The following RNF130 variants were observed in gnomAD, a reference collection of about 807,000 sequenced individuals.
The protein encoded by RNF130 is ring finger protein 130, also known as E3 ubiquitin-protein ligase RNF130.
A neutral mutation model predicts 44.6 loss-of-function variants in RNF130; 21 were observed. That is an observed-to-expected ratio of 0.47 (90% CI 0.33 to 0.68). The LOEUF is 0.68. RNF130 is among the 30% of genes least tolerant of loss of function. The probability of loss-of-function intolerance (pLI) is 0.02; values close to 1 mark genes in which losing one functional copy is unlikely to be tolerated. For missense variants in RNF130, 479 were observed against 560.6 expected, an observed-to-expected ratio of 0.85 and a Z score of 1.47; for synonymous variants, 214 against 210.4, an observed-to-expected ratio of 1.02 and a Z score of -0.15.
At chr5:180,061,318 G>A (rs1385208402) in intron 1 of RNF130, among the ~76,000 whole-genome samples, 1 of 152,196 alleles carries the variant, frequency 6.6e-6, no homozygotes. Context: ...CCAGAAGGAT[G>A]AAGAAAGTAT....
chr5:179,930,947 C>G (rs1305855209), intron 7 of RNF130, among the ~76,000 whole-genome samples: 2 of 146,552 alleles, frequency 1.4e-5, no homozygotes, highest in Non-Finnish European at 3.0e-5. Context: ...GAGGCTGAGG[C>G]ATGAGAACCC....
chr5:179,980,310 CAT>C, intron 3 of RNF130, 110 bp from the exon 4 acceptor site: 1 of 890,424 alleles, frequency 1.1e-6, no homozygotes. Flanking sequence ...CATCCCTCTC[CAT>C]GTCCTACATA....
At chr5:179,991,051 T>C (rs985758490) in intron 3 of RNF130, among the ~76,000 whole-genome samples, 2 of 152,238 alleles carry the variant, frequency 1.3e-5, no homozygotes, top group African/African-American at 4.8e-5. Context: ...CGTTTTCTCC[T>C]TCACTTACGA....
At chr5:179,982,878 G>A (rs863904) in intron 3 of RNF130, among the ~76,000 whole-genome samples, 1 of 152,136 alleles carries the variant, frequency 6.6e-6, no homozygotes, top group East Asian at 1.9e-4. Flanking sequence ...GCCACGGCAC[G>A]CAGCCTCCTT....
downstream of RNF130, among the ~76,000 whole-genome samples, chr5:179,952,921 G>A (rs978720992): frequency 2.0e-5 from 3 of 152,030 alleles, no homozygotes; most frequent in Admixed American, 6.5e-5. Context: ...TTTTCCCTAC[G>A]AGATCACAAC....
chr5:180,040,401 G>T, intron 2 of RNF130, 52 bp downstream of exon 2: 1 of 1,529,690 alleles, frequency 6.5e-7, no homozygotes, highest in South Asian at 1.2e-5. Context: ...TACCTATAAA[G>T]CAATGATTTC....
In RNF130 at chr5:179,924,693, G is replaced by C. The variant is rs1761681990; in HGVS notation, c.1151-4267C>G. Among the ~76,000 whole-genome samples, 4 of 152,132 alleles carry C rather than the reference G, an allele frequency of 2.6e-5. No homozygotes were observed. The South Asian group carries it at 8.3e-4, about 31-fold the overall frequency. On this transcript the variant is annotated intron_variant, in intron 7 of 7. Transcript: ENST00000522208. The stretch of plus-strand genomic sequence containing the variant: ...AATCCCAGCTACACAGGAGGCTAAG[G>C]CAGGAGAATTGCTTAAACCTGGGAG...
chr5:180,045,513 A>C (rs1229875775), intron 1 of RNF130, among the ~76,000 whole-genome samples: 1 of 152,234 alleles, frequency 6.6e-6, no homozygotes, highest in East Asian at 1.9e-4. Flanking sequence ...AAGCTCCCAC[A>C]GCGCGGAAGT....
At chr5:180,040,844 G>A (rs957498823) in intron 1 of RNF130, among the ~76,000 whole-genome samples, 197 bp from the exon 2 acceptor site, 1 of 152,070 alleles carries the variant, frequency 6.6e-6, no homozygotes, top group African/African-American at 2.4e-5. Flanking sequence ...TCCATGGGAC[G>A]GTTACCTATA....
At chr5:179,972,382 T>C (rs2113709308) in intron 5 of RNF130, among the ~76,000 whole-genome samples, 1 of 152,160 alleles carries the variant, frequency 6.6e-6, no homozygotes, top group South Asian at 2.1e-4. Context: ...AGCGCTAGGG[T>C]GGGGTGGCCG....
intron 2 of RNF130, among the ~76,000 whole-genome samples, chr5:180,028,594 C>T (rs958881304): frequency 8.5e-5 from 13 of 152,162 alleles, no homozygotes; most frequent in African/African-American, 2.9e-4. Flanking sequence ...TACAGCTGAT[C>T]CCGCTACGTA....
At chr5:179,948,349 T>C (rs1246271278) in intron 7 of RNF130, among the ~76,000 whole-genome samples, 3 of 152,184 alleles carry the variant, frequency 2.0e-5, no homozygotes, top group Non-Finnish European at 4.4e-5. Flanking sequence ...TGGTCTCTGT[T>C]TCACCGGGAC....
At chr5:179,994,342 G>A (rs1763156138) in intron 3 of RNF130, among the ~76,000 whole-genome samples, 1 of 152,160 alleles carries the variant, frequency 6.6e-6, no homozygotes, top group Non-Finnish European at 1.5e-5. Flanking sequence ...TCCTATCCAT[G>A]AGCATGGAAT....
At chr5:180,053,825 CTTT>C (rs56130424) in intron 1 of RNF130, among the ~76,000 whole-genome samples, 18 of 133,142 alleles carry the variant, frequency 1.4e-4, no homozygotes, top group Non-Finnish European at 1.7e-4. Flanking sequence ...CAAATACATT[CTTT>C]TTTTTTTTTT....
At chr5:179,995,014 C>G (rs964909466) in intron 3 of RNF130, among the ~76,000 whole-genome samples, 2 of 152,078 alleles carry the variant, frequency 1.3e-5, no homozygotes, top group Non-Finnish European at 2.9e-5. Context: ...CTGGACTGGG[C>G]AAGACAGCCA....
chr5:179,920,513 T>A, intron 7 of RNF130: 1 of 652,936 alleles, frequency 1.5e-6, no homozygotes, highest in Non-Finnish European at 2.8e-6. Context: ...CAGATTATCT[T>A]TGAAGCATGA....
At chr5:179,979,133 A>C (rs1272690408) in intron 4 of RNF130, among the ~76,000 whole-genome samples, 3 of 151,946 alleles carry the variant, frequency 2.0e-5, no homozygotes, top group African/African-American at 7.3e-5. Flanking sequence ...AGGGAATTTC[A>C]TACTATTGTG....
At chr5:180,030,254 TTG>T (rs1764099706) in intron 2 of RNF130, among the ~76,000 whole-genome samples, 1 of 152,222 alleles carries the variant, frequency 6.6e-6, no homozygotes, top group African/African-American at 2.4e-5. Context: ...AATACTTGCT[TTG>T]TCTCTCCAAG....
intron 7 of RNF130, among the ~76,000 whole-genome samples, chr5:179,930,242 G>A (rs968133353): frequency 1.3e-5 from 2 of 152,054 alleles, no homozygotes; most frequent in East Asian, 3.9e-4. Flanking sequence ...ATTTTTAGTA[G>A]AGATGGGGTT....
Sources: gnomAD v4.1 joint callset for allele counts (sites outside exome capture counted in the v4.1 genomes callset) on GRCh38, gnomAD v4.1.1 for gene constraint, MANE v1.5 for transcripts, NCBI Gene and HGNC (gene_info 2026-07-23, HGNC 2026-07-21) for gene names.